LAMB1: variants seen among roughly 807,000 people sequenced by gnomAD.
LAMB1 encodes the protein laminin subunit beta-1.
LAMB1 carries 121 observed loss-of-function variants against 222.3 expected under a neutral mutation model. The ratio of observed to expected loss-of-function variants is 0.54; its 90% confidence interval spans 0.47 to 0.63. The LOEUF (loss-of-function observed/expected upper bound fraction) is 0.63. Among genes scored for constraint, LAMB1 ranks in the 30% least tolerant of loss-of-function variants. LAMB1 has a pLI of 0.00. For missense variants in LAMB1, 2,172 were observed against 2,240.8 expected (o/e 0.97, Z 0.62); for synonymous variants, 794 against 807.2 (o/e 0.98, Z 0.28).
In LAMB1 at chr7:107,986,160, C is replaced by G; in HGVS notation, c.612+15G>C. 6.2e-7 allele frequency: 1 copy of G among 1,613,082 alleles called. No homozygotes were observed. Among genetic ancestry groups the G allele is most frequent in the Non-Finnish European group, 8.5e-7 (1 of 1,179,086 alleles). On this transcript the variant is annotated intron_variant, in intron 6 of 33. Coordinates refer to ENST00000222399, the MANE Select transcript of LAMB1 (RefSeq NM_002291.3). ...AGATTTGCAAGTAGAATGTAAAACACAGAAGCAAACAAACCTCTCCTTCAG... is the reference window on the plus strand; with the variant it reads ...AGATTTGCAAGTAGAATGTAAAACAGAGAAGCAAACAAACCTCTCCTTCAG...
intron 5 of LAMB1, among the ~76,000 whole-genome samples, chr7:107,993,420 C>T (rs1250995657): frequency 6.6e-6 from 1 of 152,170 alleles, no homozygotes; most frequent in Non-Finnish European, 1.5e-5. Context: ...AGGTGTGAGC[C>T]ACCACGCCTG....
At position 107,940,375 on chromosome 7, in the gene LAMB1, A is replaced by G. The variant is rs761579412; in HGVS notation, c.3392-17T>C. 3.1e-6 allele frequency: 5 copies of G among 1,600,638 alleles called. No homozygotes were observed. Among genetic ancestry groups the G allele is most frequent in the Non-Finnish European group, 3.4e-6 (4 of 1,169,650 alleles). Reference sequence around the variant, plus strand: ...AGTCACAGGCTAGAAGGGAATAAGCAATGCTAGCTGATCTACTTAATCATG... The same window carrying G: ...AGTCACAGGCTAGAAGGGAATAAGCGATGCTAGCTGATCTACTTAATCATG... On this transcript the variant is annotated splice_polypyrimidine_tract_variant and intron_variant, in intron 24 of 33. Coordinates refer to ENST00000222399, the MANE Select transcript of LAMB1 (RefSeq NM_002291.3).
At position 107,939,990 on chromosome 7, in the gene LAMB1, C is replaced by T. The variant is rs1165311927; in HGVS notation, c.3760G>A (p.Glu1254Lys). Reference protein sequence around the residue: ...KNIGNLFEEAEKLIKDVTEMM... With the variant: ...KNIGNLFEEAKKLIKDVTEMM... ...TCCTCTGGCTCATTAACTACTTACT[C>T]TGCTTCCTCAAAGAGATTCCCAATG... The change falls in exon 25 of 34, where the codon GAG becomes AAG. Residue 1254 changes from glutamate (E) to lysine (K), a missense_variant and splice_region_variant. Glu to Lys is a moderately conservative substitution (Grantham distance 56, BLOSUM62 1). Transcript: ENST00000222399. 1.2e-6 allele frequency: 2 copies of T among 1,612,492 alleles called. No individual in the cohort carries two copies. Among genetic ancestry groups the T allele is most frequent in the Admixed American group, 1.7e-5 (1 of 59,972 alleles).
chr7:107,987,547 C>G (rs1478721172), intron 5 of LAMB1, among the ~76,000 whole-genome samples: 1 of 152,176 alleles, frequency 6.6e-6, no homozygotes, highest in African/African-American at 2.4e-5. Context: ...GTGGCCCAGG[C>G]TGGAGTGCAG....
chr7:107,965,157 A>C (rs1466947210), intron 13 of LAMB1, among the ~76,000 whole-genome samples: 1 of 152,234 alleles, frequency 6.6e-6, no homozygotes, highest in Non-Finnish European at 1.5e-5. Context: ...GAGTCAACCA[A>C]GTCAGAAATT....
In LAMB1 at chr7:107,951,159, G is replaced by A. The variant is rs151252021; in HGVS notation, c.3391+67C>T. On this transcript the variant is annotated intron_variant, in intron 24 of 33. Coordinates refer to ENST00000222399, the MANE Select transcript of LAMB1 (RefSeq NM_002291.3). ...GTACTGTGTTTTATAATTTACAGAAGGCTCTTGTAGAACCCCAGTTCCCTC... is the reference window on the plus strand; with the variant it reads ...GTACTGTGTTTTATAATTTACAGAAAGCTCTTGTAGAACCCCAGTTCCCTC... The A allele has an allele frequency of 1.7e-5, 19 of 1,125,724 alleles. No homozygotes were observed. In the African/African-American group the frequency reaches 2.3e-4, roughly 14 times the overall value. 69.7% of individuals were successfully genotyped at this position (1,125,724 alleles called of 1,614,324 possible).
chr7:107,926,230 C>T lies in LAMB1; in HGVS notation c.5017G>A (p.Glu1673Lys), dbSNP rs751630523. 4 of 1,613,724 alleles carry T rather than the reference C, an allele frequency of 2.5e-6. No individual in the cohort carries two copies. The highest frequency in any genetic ancestry group is 3.4e-6 in the Non-Finnish European group (4 of 1,179,766). ...AQNSGEAEYI[E>K]KVVYTVKQSA... ...TGCTTCACAGTATATACTACTTTTT[C>T]AATATATTCTGCCTCCCCGGAGTTT... Residue 1673 changes from glutamate (E) to lysine (K), a missense_variant, in exon 32 of 34, where the codon GAA (glutamate) becomes AAA (lysine). By Grantham distance (56) the Glu-to-Lys change is moderately conservative. Transcript: ENST00000222399.
rs542556782 is a variant in LAMB1 at position 107,959,057 on chromosome 7, C to T, written c.2690+192G>A. Among the ~76,000 whole-genome samples the T allele has an allele frequency of 2.0e-4, 30 of 152,298 alleles. 1 individual carries two copies. The South Asian group carries it at 5.6e-3, about 28-fold the overall frequency. On this transcript the variant is annotated intron_variant, in intron 20 of 33. Transcript: ENST00000222399. Reference sequence around the variant, plus strand: ...CTCTGCGGTATCTCCAGCACCAGAACGGTGCCTGGCACATAGAGGATGTCA... The same window carrying T: ...CTCTGCGGTATCTCCAGCACCAGAATGGTGCCTGGCACATAGAGGATGTCA...
chr7:107,929,745 CTGTT>C, intron 29 of LAMB1, 126 bp from the exon 30 acceptor site: 1 of 722,676 alleles, frequency 1.4e-6, no homozygotes, highest in Admixed American at 2.4e-5. Context: ...CACTAACTTC[CTGTT>C]TAAGAGTTTA....
intron 31 of LAMB1, among the ~76,000 whole-genome samples, chr7:107,926,924 GA>G (rs993558010): frequency 7.3e-4 from 110 of 151,274 alleles, no homozygotes; most frequent in African/African-American, 1.2e-3. Flanking sequence ...GTTATTTAGG[GA>G]AAAAAAAATA....
chr7:107,930,670 C>G (rs1222929248), intron 29 of LAMB1, among the ~76,000 whole-genome samples: 4 of 152,170 alleles, frequency 2.6e-5, no homozygotes, highest in Non-Finnish European at 4.4e-5. Context: ...TAAAAAGATG[C>G]AAGGAATAGG....
At chr7:107,936,225 T>C (rs1323209297) in intron 26 of LAMB1, 1 of 152,314 alleles carries the variant, frequency 6.6e-6, no homozygotes, top group East Asian at 1.9e-4. Flanking sequence ...AGATTACTTT[T>C]AAATATACTG....
At chr7:107,925,045 A>G (rs918191447) in intron 32 of LAMB1, among the ~76,000 whole-genome samples, 11 of 152,192 alleles carry the variant, frequency 7.2e-5, no homozygotes, top group African/African-American at 2.4e-4. Context: ...TTGTGTCCTC[A>G]GTACTGCAGG....
intron 3 of LAMB1, among the ~76,000 whole-genome samples, chr7:107,999,100 AC>A (rs1224864477): frequency 6.6e-6 from 1 of 152,230 alleles, no homozygotes; most frequent in Non-Finnish European, 1.5e-5. Context: ...TGTTGGGAGG[AC>A]CACGCCATGT....
At chr7:107,985,386 G>A (rs2034053804) in intron 7 of LAMB1, among the ~76,000 whole-genome samples, 1 of 152,210 alleles carries the variant, frequency 6.6e-6, no homozygotes, top group Non-Finnish European at 1.5e-5. Flanking sequence ...CACTTTGGGA[G>A]GCTGAGGCGG....
At chr7:107,932,614 A>G (rs1176984908) in intron 27 of LAMB1, 9 of 567,860 alleles carry the variant, frequency 1.6e-5, no homozygotes, top group Non-Finnish European at 2.5e-5. Flanking sequence ...TTCTGCCCAA[A>G]TGAGTTAAAA....
rs759364281 is a variant in LAMB1, at chr7:107,998,510, T to G, written c.214-18A>C. On this transcript the variant is annotated intron_variant, in intron 3 of 33. Coordinates refer to ENST00000222399, the MANE Select transcript of LAMB1 (RefSeq NM_002291.3). ...TTGTCCTCCTACAAACAAAGTTGAG[T>G]TCATCAGTCTAGAAAGCAATCTCAT... 1 of 1,610,662 alleles carries G rather than the reference T, an allele frequency of 6.2e-7. No homozygotes were observed. The highest frequency in any genetic ancestry group is 8.5e-7 in the Non-Finnish European group (1 of 1,177,896).
intron 27 of LAMB1, among the ~76,000 whole-genome samples, chr7:107,933,981 A>G (rs781096577): frequency 4.0e-5 from 6 of 151,852 alleles, no homozygotes; most frequent in Non-Finnish European, 7.4e-5. Context: ...TGTTTGTGAT[A>G]ACTGATTTTT....
rs115970663 is a variant in LAMB1 at position 107,969,596 on chromosome 7, A to G, written c.1562+3396T>C. 7.1e-3 allele frequency among the ~76,000 whole-genome samples: 1,081 copies of G among 152,264 alleles called. 17 individuals carry two copies. The highest frequency in any genetic ancestry group is 0.025 in the African/African-American group (1,026 of 41,534). ...AGTCATGTGTCACTTAATGACTGGG[A>G]TATGTTCTGAGAAATGTGTTGTTCG... On this transcript the variant is annotated intron_variant, in intron 13 of 33. Transcript: ENST00000222399.
Sources: gnomAD v4.1 joint callset for allele counts (sites outside exome capture counted in the v4.1 genomes callset) on GRCh38, gnomAD v4.1.1 for gene constraint, MANE v1.5 for transcripts, NCBI Gene and HGNC (gene_info 2026-07-23, HGNC 2026-07-21) for gene names.